Variants in AFF1 observed in about 807,000 individuals in gnomAD.
AFF1 encodes AF4/FMR2 family member 1.
A neutral mutation model predicts 121.7 loss-of-function variants in AFF1; 48 were observed. That is an observed-to-expected ratio of 0.39 (90% CI 0.31 to 0.50). The LOEUF is 0.50. Among genes scored for constraint, AFF1 ranks in the 20% least tolerant of loss-of-function variants. The pLI, the probability that AFF1 is intolerant of heterozygous loss-of-function variation, is 0.76. For synonymous variants in AFF1, 613 were observed against 563.0 expected, an observed-to-expected ratio of 1.09 and a Z score of -1.26; for missense variants, 1,523 against 1,511.7, an observed-to-expected ratio of 1.01 and a Z score of -0.12.
chr4:87,087,343 T>A (rs1189953644), intron 5 of AFF1, among the ~76,000 whole-genome samples: 1 of 152,198 alleles, frequency 6.6e-6, no homozygotes, highest in Non-Finnish European at 1.5e-5. Context: ...CTGTGAATAA[T>A]GCAACAGGCC....
chr4:87,086,682 G>A (rs910424992), intron 5 of AFF1, among the ~76,000 whole-genome samples: 8 of 152,124 alleles, frequency 5.3e-5, no homozygotes, highest in African/African-American at 1.9e-4. Context: ...AAGGCCCTGG[G>A]CTAGCGGATG....
rs540490090 is a variant in AFF1 at position 87,005,212 on chromosome 4, T to C, written c.39-40954T>C. 5.9e-5 allele frequency among the ~76,000 whole-genome samples: 9 copies of C among 152,318 alleles called. No homozygotes were observed. In the East Asian group the frequency reaches 1.7e-3, roughly 29 times the overall value. On this transcript the variant is annotated intron_variant, in intron 2 of 20. Transcript: ENST00000395146. ...GGCTCTGGTATCAAACTCCTGAGCTTAAGCGATCTGCCTGCCTTAGCCTCC... is the reference window on the plus strand; with the variant it reads ...GGCTCTGGTATCAAACTCCTGAGCTCAAGCGATCTGCCTGCCTTAGCCTCC...
At chr4:86,991,356 A>G (rs1446482590) in intron 2 of AFF1, among the ~76,000 whole-genome samples, 2 of 151,958 alleles carry the variant, frequency 1.3e-5, no homozygotes, top group South Asian at 2.1e-4. Flanking sequence ...GAGGCAGGAG[A>G]ATGGTGTGAA....
chr4:87,017,238 A>C (rs901291853), intron 2 of AFF1, among the ~76,000 whole-genome samples: 1 of 151,222 alleles, frequency 6.6e-6, no homozygotes, highest in Admixed American at 6.6e-5. Flanking sequence ...GAACTGATCT[A>C]ATTTAGTCAA....
At chr4:86,981,864 G>C (rs1723783347) in intron 2 of AFF1, among the ~76,000 whole-genome samples, 1 of 152,208 alleles carries the variant, frequency 6.6e-6, no homozygotes, top group African/African-American at 2.4e-5. Context: ...GCCTGTTGGT[G>C]ACTGGTCACT....
intron 2 of AFF1, among the ~76,000 whole-genome samples, chr4:87,001,035 T>C (rs563549157): frequency 2.0e-5 from 3 of 152,188 alleles, no homozygotes; most frequent in Admixed American, 2.0e-4. Flanking sequence ...GCCGCAGGCT[T>C]GTTACCTGGA....
chr4:86,994,291 A>C (rs914013547), intron 2 of AFF1, among the ~76,000 whole-genome samples: 1 of 152,254 alleles, frequency 6.6e-6, no homozygotes, highest in Admixed American at 6.5e-5. Context: ...CTGAGTTGGC[A>C]TAAGCTCCAG....
At chr4:87,028,210 AT>A (rs751544901) in intron 2 of AFF1, among the ~76,000 whole-genome samples, 85 of 152,242 alleles carry the variant, frequency 5.6e-4, no homozygotes, top group Non-Finnish European at 1.1e-3. Context: ...GTGTCCATCC[AT>A]TAATGTATTT....
chr4:87,091,288 A>G (rs1724283277), intron 6 of AFF1, among the ~76,000 whole-genome samples: 1 of 152,150 alleles, frequency 6.6e-6, no homozygotes, highest in East Asian at 1.9e-4. Flanking sequence ...CTGTAGTCCC[A>G]GCTACTGGAG....
At chr4:86,965,092 G>T (rs1311341549) in intron 2 of AFF1, among the ~76,000 whole-genome samples, 1 of 152,164 alleles carries the variant, frequency 6.6e-6, no homozygotes, top group African/African-American at 2.4e-5. Flanking sequence ...ACAACCCAAA[G>T]TTCTTACTCT....
intron 4 of AFF1, among the ~76,000 whole-genome samples, chr4:87,072,898 G>A (rs1312584707): frequency 1.3e-5 from 2 of 152,054 alleles, no homozygotes; most frequent in Admixed American, 1.3e-4. Flanking sequence ...TCAAACTTTT[G>A]TATTAAATAT....
intron 8 of AFF1, 120 bp downstream of exon 8, chr4:87,095,089 C>A: frequency 1.0e-6 from 1 of 954,582 alleles, no homozygotes; most frequent in Non-Finnish European, 1.6e-6. Context: ...CTGCTGCATT[C>A]TAAAGGGAAG....
intron 1 of AFF1, among the ~76,000 whole-genome samples, chr4:86,943,387 G>A (rs1720607455): frequency 1.3e-5 from 2 of 152,302 alleles, no homozygotes; most frequent in South Asian, 4.1e-4. Context: ...TATGTCCCAT[G>A]ACTTATCCCT....
At chr4:86,961,893 C>T (rs892349322) in intron 2 of AFF1, among the ~76,000 whole-genome samples, 11 of 151,986 alleles carry the variant, frequency 7.2e-5, no homozygotes, top group Admixed American at 2.0e-4. Context: ...TTTCTACATC[C>T]GGCAGAGGCT....
Position 87,137,122 on chromosome 4 carries a change from T to C in AFF1, c.*1421T>C, listed in dbSNP as rs1729362865. The C allele has an allele frequency of 4.4e-6, 1 of 226,764 alleles. No individual in the cohort carries two copies. Among genetic ancestry groups the C allele is most frequent in the Admixed American group, 5.7e-5 (1 of 17,534 alleles). The allele number at this position is 226,764 out of a possible 1,614,324, so 14.0% of individuals were successfully genotyped here. A position where few individuals can be genotyped will look rare whatever the true frequency, so the allele number is the denominator to read the frequency against. On this transcript the variant is annotated 3_prime_UTR_variant, in exon 21 of 21. Transcript: ENST00000395146. ...CTTTAAAGGTTATTATTGGAAACATTACTTTGAGTGCAGTGTTTTTAAAAG... is the reference window on the plus strand; with the variant it reads ...CTTTAAAGGTTATTATTGGAAACATCACTTTGAGTGCAGTGTTTTTAAAAG...
chr4:87,110,385 T>A (rs1726345325), intron 11 of AFF1, among the ~76,000 whole-genome samples: 1 of 152,090 alleles, frequency 6.6e-6, no homozygotes, highest in African/African-American at 2.4e-5. Flanking sequence ...TAAATTAAAG[T>A]ATTATTGACT....
Position 87,022,592 on chromosome 4 carries a change from A to ATATATATG in AFF1, c.39-23573_39-23572insATATATGT, listed in dbSNP as rs1465084690. 2.6e-4 allele frequency among the ~76,000 whole-genome samples: 26 copies of ATATATATG among 99,846 alleles called. 1 individual carries two copies. Among genetic ancestry groups the ATATATATG allele is most frequent in the Non-Finnish European group, 4.1e-4 (22 of 54,074 alleles). 65.5% of individuals were successfully genotyped at this position (99,846 alleles called of 152,430 possible). A position where few individuals can be genotyped will look rare whatever the true frequency, so the allele number is the denominator to read the frequency against. Reference sequence around the variant, plus strand: ...TATATATATATATATATCTATCTATATCTATCTGTGTGTATATATATCTGT... The same window carrying ATATATATG: ...TATATATATATATATATCTATCTATATATATATGTCTATCTGTGTGTATATATATCTGT... On this transcript the variant is annotated intron_variant, in intron 2 of 20. Coordinates refer to ENST00000395146, the MANE Select transcript of AFF1 (RefSeq NM_001166693.3).
At chr4:87,100,626 AT>A (rs1725341088) in intron 8 of AFF1, among the ~76,000 whole-genome samples, 1 of 152,072 alleles carries the variant, frequency 6.6e-6, no homozygotes, top group East Asian at 1.9e-4. Flanking sequence ...TAGCGGGGAT[AT>A]TTTTCGGCTC....
intron 2 of AFF1, among the ~76,000 whole-genome samples, chr4:86,969,230 G>C (rs868636410): frequency 2.4e-4 from 36 of 152,146 alleles, no homozygotes; most frequent in African/African-American, 8.4e-4. Context: ...TGTAATCCCA[G>C]CACTTTGGGA....
Sources: allele counts gnomAD v4.1 joint callset (sites outside exome capture counted in the v4.1 genomes callset), GRCh38; gene constraint gnomAD v4.1.1; transcripts MANE v1.5; gene names NCBI Gene and HGNC (gene_info 2026-07-23, HGNC 2026-07-21).